EPHA5: variants seen among roughly 807,000 people sequenced by gnomAD.
The protein encoded by EPHA5 is EPH receptor A5.
In EPHA5, 60 loss-of-function variants were observed where a neutral mutation model predicts 105.0. The ratio of observed to expected loss-of-function variants is 0.57; its 90% CI spans 0.46 to 0.71. The LOEUF is 0.71. EPHA5 is among the 30% of genes least tolerant of loss of function. The pLI is 0.00. For synonymous variants in EPHA5, 513 were observed against 449.1 expected, an observed-to-expected ratio of 1.14 and a Z score of -1.80; for missense variants, 1,218 against 1,274.7, an observed-to-expected ratio of 0.96 and a Z score of 0.68.
chr4:65,591,513 T>C (rs1307892480), intron 3 of EPHA5, among the ~76,000 whole-genome samples: 1 of 152,010 alleles, frequency 6.6e-6, no homozygotes, highest in Non-Finnish European at 1.5e-5. Flanking sequence ...TTTCTCAGAA[T>C]TAGTTTTGTG....
At chr4:65,507,720 A>G (rs1733197080) in intron 3 of EPHA5, among the ~76,000 whole-genome samples, 1 of 152,080 alleles carries the variant, frequency 6.6e-6, no homozygotes, top group Admixed American at 6.6e-5. Context: ...TTGATTTTGT[A>G]TCCTGAGACT....
intron 3 of EPHA5, among the ~76,000 whole-genome samples, chr4:65,587,976 G>T (rs1029055941): frequency 6.6e-6 from 1 of 152,086 alleles, no homozygotes; most frequent in Admixed American, 6.6e-5. Flanking sequence ...AAAATTAAAT[G>T]AATTTCAAAT....
At chr4:65,373,859 A>G (rs529335110) in intron 8 of EPHA5, among the ~76,000 whole-genome samples, 22 of 151,824 alleles carry the variant, frequency 1.4e-4, no homozygotes, top group Non-Finnish European at 2.5e-4. Flanking sequence ...ACTGAAAAGC[A>G]TGAAACCTAA....
intron 2 of EPHA5, among the ~76,000 whole-genome samples, chr4:65,641,396 T>A (rs1446171646): frequency 6.6e-6 from 1 of 152,142 alleles, no homozygotes; most frequent in Admixed American, 6.5e-5. Context: ...TTTCCAGTTT[T>A]CTTGTGGCAT....
At chr4:65,541,571 C>G (rs1282734662) in intron 3 of EPHA5, among the ~76,000 whole-genome samples, 1 of 151,896 alleles carries the variant, frequency 6.6e-6, no homozygotes, top group East Asian at 1.9e-4. Context: ...GATATATGCA[C>G]CCAACACAGG....
intron 3 of EPHA5, among the ~76,000 whole-genome samples, chr4:65,522,625 C>T (rs142601224): frequency 4.6e-5 from 7 of 151,960 alleles, no homozygotes; most frequent in East Asian, 1.9e-4. Flanking sequence ...GAGACCTCTG[C>T]GCTTTCTTAA....
intron 5 of EPHA5, among the ~76,000 whole-genome samples, chr4:65,427,710 T>G (rs113901510): frequency 2.0e-5 from 3 of 152,182 alleles, no homozygotes; most frequent in Non-Finnish European, 1.5e-5. Flanking sequence ...CAGAGAAACA[T>G]GGGAAATTAC....
chr4:65,502,298 A>G (rs993895099), intron 3 of EPHA5, among the ~76,000 whole-genome samples: 2 of 151,776 alleles, frequency 1.3e-5, no homozygotes, highest in East Asian at 1.9e-4. Flanking sequence ...AAGAAAAACT[A>G]TTAGCAAAGT....
intron 3 of EPHA5, among the ~76,000 whole-genome samples, chr4:65,521,438 G>T (rs1279494777): frequency 1.3e-5 from 2 of 151,980 alleles, no homozygotes; most frequent in African/African-American, 4.8e-5. Context: ...ATGAGTTAAT[G>T]GGTGTAGCAC....
intron 3 of EPHA5, among the ~76,000 whole-genome samples, chr4:65,587,063 C>T (rs887525109): frequency 2.0e-5 from 3 of 151,830 alleles, no homozygotes; most frequent in Non-Finnish European, 4.4e-5. Flanking sequence ...GTTTTGTGTT[C>T]TGCTTCTTTT....
intron 9 of EPHA5, among the ~76,000 whole-genome samples, chr4:65,366,734 C>T (rs975499966): frequency 3.3e-5 from 5 of 151,594 alleles, no homozygotes; most frequent in Admixed American, 2.0e-4. Context: ...TTTAAGATGG[C>T]GGAGTGAAAA....
intron 5 of EPHA5, among the ~76,000 whole-genome samples, chr4:65,423,967 C>A (rs761683448): frequency 6.6e-6 from 1 of 151,846 alleles, no homozygotes; most frequent in Admixed American, 6.6e-5. Flanking sequence ...CTATATTAAC[C>A]TAAAGATGCA....
chr4:65,572,046 A>G (rs575957590), intron 3 of EPHA5, among the ~76,000 whole-genome samples: 4 of 152,196 alleles, frequency 2.6e-5, no homozygotes, highest in African/African-American at 7.2e-5. Context: ...ACTGTAATTG[A>G]AGCAAATATT....
chr4:65,556,517 G>A (rs548129074), intron 3 of EPHA5, among the ~76,000 whole-genome samples: 68 of 152,188 alleles, frequency 4.5e-4, no homozygotes, highest in Non-Finnish European at 8.1e-4. Context: ...ATTAAGTTAC[G>A]TTTCTATGAC....
chr4:65,328,328 A>G (rs908200083), intron 16 of EPHA5, among the ~76,000 whole-genome samples: 2 of 151,228 alleles, frequency 1.3e-5, no homozygotes, highest in Non-Finnish European at 3.0e-5. Context: ...AACATTATTC[A>G]ATAATATTAA....
At chr4:65,522,916 G>A (rs1354626054) in intron 3 of EPHA5, among the ~76,000 whole-genome samples, 1 of 151,912 alleles carries the variant, frequency 6.6e-6, no homozygotes, top group Non-Finnish European at 1.5e-5. Context: ...CTCACTGTAA[G>A]TGATACCATG....
intron 5 of EPHA5, among the ~76,000 whole-genome samples, chr4:65,476,038 C>T (rs1050798959): frequency 1.3e-5 from 2 of 150,980 alleles, no homozygotes; most frequent in African/African-American, 2.4e-5. Flanking sequence ...AATATCAGAA[C>T]TTCCTACAAA....
chr4:65,340,288 T>C (rs914005861), intron 14 of EPHA5, among the ~76,000 whole-genome samples: 1 of 152,132 alleles, frequency 6.6e-6, no homozygotes, highest in Non-Finnish European at 1.5e-5. Flanking sequence ...TTGCGATATA[T>C]ATATAGTCAG....
intron 5 of EPHA5, among the ~76,000 whole-genome samples, chr4:65,464,774 T>C (rs994489741): frequency 1.3e-5 from 2 of 152,100 alleles, no homozygotes; most frequent in South Asian, 2.1e-4. Flanking sequence ...TTTCAATTGA[T>C]AAAATTAAAA....
Sources: allele counts gnomAD v4.1 joint callset (sites outside exome capture counted in the v4.1 genomes callset), GRCh38; gene constraint gnomAD v4.1.1; transcripts MANE v1.5; gene names NCBI Gene and HGNC (gene_info 2026-07-23, HGNC 2026-07-21).